The following KCNS1 variants were observed in gnomAD, a reference collection of about 807,000 sequenced individuals.
The protein encoded by KCNS1 is delayed-rectifier potassium channel regulatory subunit KCNS1.
KCNS1 carries 26 observed loss-of-function variants against 33.1 expected under a neutral mutation model. That is an observed-to-expected ratio of 0.79 (90% confidence interval 0.58 to 1.09). The LOEUF (loss-of-function observed/expected upper bound fraction) is 1.09. KCNS1 is among the 50% of genes least tolerant of loss of function. The pLI is 0.00. For synonymous variants in KCNS1, 299 were observed against 338.8 expected, an observed-to-expected ratio of 0.88 and a Z score of 1.29; for missense variants, 702 against 752.4, an observed-to-expected ratio of 0.93 and a Z score of 0.78.
At position 45,099,213 on chromosome 20, in the gene KCNS1, T is replaced by A. The variant is rs1159707988; in HGVS notation, c.24A>T (p.Gly8=). The change falls in exon 2 of 4, where the codon GGA becomes GGT. Residue 8 remains glycine, a synonymous_variant. Transcript: ENST00000537075. The stretch of plus-strand genomic sequence containing the variant: ...TAGACCGGAGGTTCTCATAGTGTGT[T>A]CCCCGGACCAGCAGCATCAGCATCA... MLMLLVR[G]THYENLRSKV... is the part of the protein sequence containing the mutation. The A allele has an allele frequency of 1.2e-5, 19 of 1,541,888 alleles. 1 individual carries two copies. The South Asian group carries it at 2.3e-4, about 18-fold the overall frequency.
chr20:45,099,284 T>C, intron 1 of KCNS1, 45 bp from the exon 2 acceptor site: 1 of 1,039,318 alleles, frequency 9.6e-7, no homozygotes, highest in Non-Finnish European at 1.5e-6. Context: ...GCCATCGATT[T>C]ACTGAATCGG....
intron 2 of KCNS1, 40 bp downstream of exon 2, chr20:45,099,121 G>T: frequency 1.3e-6 from 2 of 1,549,018 alleles, no homozygotes; most frequent in South Asian, 2.4e-5. Flanking sequence ...CCAGCCCTCT[G>T]AACCTGTTTC....
chr20:45,100,611 C>G (rs1447975245), intron 1 of KCNS1, among the ~76,000 whole-genome samples: 1 of 152,218 alleles, frequency 6.6e-6, no homozygotes, highest in Non-Finnish European at 1.5e-5. Context: ...ATTTCATTCT[C>G]TCTCCACACA....
In KCNS1 at chr20:45,094,034, G is replaced by A. The variant is rs1981089241; in HGVS notation, c.*836C>T. ...ACACAGCAGGTCTTGGCGCAGCTAG[G>A]TTGTCTAGATCTCAGGCCAGGGGCC... On this transcript the variant is annotated 3_prime_UTR_variant, in exon 4 of 4. Coordinates refer to ENST00000537075, the MANE Select transcript of KCNS1 (RefSeq NM_001322799.2). 6.6e-6 allele frequency: 1 copy of A among 152,312 alleles called. No individual in the cohort carries two copies. The highest frequency in any genetic ancestry group is 1.5e-5 in the Non-Finnish European group (1 of 68,126). The allele number at this position is 152,312 out of a possible 1,614,324, so 9.4% of individuals were successfully genotyped here. A position where few individuals can be genotyped will look rare whatever the true frequency, so the allele number is the denominator to read the frequency against.
Position 45,098,648 on chromosome 20 carries a change from C to A in KCNS1, c.124G>T (p.Gly42Trp). 3 of 1,474,076 alleles carry A rather than the reference C, an allele frequency of 2.0e-6. No individual in the cohort carries two copies. The highest frequency in any genetic ancestry group is 2.7e-5 in the East Asian group (1 of 36,406). 91.3% of individuals were successfully genotyped at this position (1,474,076 alleles called of 1,614,324 possible). A position where few individuals can be genotyped will look rare whatever the true frequency, so the allele number is the denominator to read the frequency against. The change falls in exon 3 of 4, where the codon GGG (glycine) becomes TGG (tryptophan). Residue 42 changes from glycine to tryptophan, a missense_variant. This residue lies in a region of KCNS1 where 374 missense variants were observed against 352.3 expected (regional missense o/e 1.06). Transcript: ENST00000537075. This position sits in a 1 kb window ranked among gnomAD's most constrained non-coding sequence, Gnocchi z 5.2. Reference sequence around the variant, plus strand: ...TCGTCGCTTCGCCGCCAGCGGATCCCGGTGTCGGGGCCCGGGAACTCGCTC... The same window carrying A: ...TCGTCGCTTCGCCGCCAGCGGATCCAGGTGTCGGGGCCCGGGAACTCGCTC... Reference protein sequence around the residue: ...FVSEFPGPDTGIRWRRSDEAL... With the variant: ...FVSEFPGPDTWIRWRRSDEAL...
rs1347346137 is a variant in KCNS1, at chr20:45,094,306, G to A, written c.*564C>T. 6.5e-6 allele frequency: 1 copy of A among 153,032 alleles called. No homozygotes were observed. The highest frequency in any genetic ancestry group is 1.5e-5 in the Non-Finnish European group (1 of 68,772). 9.5% of individuals were successfully genotyped at this position (153,032 alleles called of 1,614,324 possible). On this transcript the variant is annotated 3_prime_UTR_variant, in exon 4 of 4. Transcript: ENST00000537075. ...CCTGTCTGGACCCTTCCCTGGCTCTGAAAGGGATTTCTTATCTTGTGGATC... is the reference window on the plus strand; with the variant it reads ...CCTGTCTGGACCCTTCCCTGGCTCTAAAAGGGATTTCTTATCTTGTGGATC...
Position 45,098,695 on chromosome 20 carries a change from C to T in KCNS1, c.77G>A (p.Gly26Glu). 7.1e-7 allele frequency: 1 copy of T among 1,408,146 alleles called. No homozygotes were observed. The highest frequency in any genetic ancestry group is 1.7e-5 in the South Asian group (1 of 58,506). The allele number at this position is 1,408,146 out of a possible 1,614,324, so 87.2% of individuals were successfully genotyped here. Residue 26 changes from glycine to glutamate, a missense_variant and splice_region_variant, in exon 3 of 4, where the codon GGG (glycine) becomes GAG (glutamate). Transcript: ENST00000537075. This position sits in a 1 kb window ranked among gnomAD's most constrained non-coding sequence, Gnocchi z 5.2. ...GCTCACAAAGGTTTCAGTGCTCCTC[C>T]CTGCGGACACCAGAAGGGCGCGCTG... is the stretch of plus-strand genomic sequence containing the variant. ...SKVVLPTPLG[G>E]RSTETFVSEF...
Position 45,094,605 on chromosome 20 carries a change from CT to C in KCNS1, c.*264del, listed in dbSNP as rs1981111460. ...GAGGTGCTCAGGAATCATTAGTATC[CT>C]TTCAACTTCCTCCCTCTGGCTCATG... On this transcript the variant is annotated 3_prime_UTR_variant, in exon 4 of 4. Coordinates refer to ENST00000537075, the MANE Select transcript of KCNS1 (RefSeq NM_001322799.2). 3 of 438,748 alleles carry C rather than the reference CT, an allele frequency of 6.8e-6. No homozygotes were observed. The highest frequency in any genetic ancestry group is 3.9e-5 in the Admixed American group (1 of 25,394). The allele number at this position is 438,748 out of a possible 1,614,324, so 27.2% of individuals were successfully genotyped here.
rs1235564112 is a variant in KCNS1, at chr20:45,094,950, G to A, written c.1501C>T (p.Arg501Ter). 8.7e-6 allele frequency: 14 copies of A among 1,613,738 alleles called. No individual in the cohort carries two copies. The East Asian group carries it at 1.1e-4, about 13-fold the overall frequency. Residue 501 changes from arginine (R) to a stop codon, truncating the protein, a stop_gained, in exon 4 of 4, where the codon CGA becomes TGA. Transcript: ENST00000537075. LOFTEE classifies it high-confidence loss of function. ...GVSEASLETS[R>*]ETSQEGQSAD... is the part of the protein sequence containing the mutation. ...GACTGTCCCTCCTGAGAGGTTTCTC[G>A]GGATGTCTCCAGAGATGCCTCCGAC... is the stretch of plus-strand genomic sequence containing the variant.
rs1981131335 is a variant in KCNS1, at chr20:45,094,997, A to G, written c.1454T>C (p.Leu485Ser). Residue 485 changes from leucine to serine, a missense_variant, in exon 4 of 4, where the codon TTG (leucine) becomes TCG (serine). Physicochemically the swap from Leu to Ser is moderately radical, Grantham distance 145. Transcript: ENST00000537075. ...CGACACCCCATCAATGCTGCTCAGC[A>G]AGTCCTCAAACTCTTGGTGGTTGCT... ...RNSNHQEFED[L>S]LSSIDGVSEA... The G allele has an allele frequency of 1.9e-6, 3 of 1,613,452 alleles. No homozygotes were observed. The highest frequency in any genetic ancestry group is 2.5e-6 in the Non-Finnish European group (3 of 1,179,856).
rs752243589 is a variant in KCNS1, at chr20:45,095,159, G to A, written c.1292C>T (p.Thr431Met). 3.2e-5 allele frequency: 52 copies of A among 1,613,980 alleles called. No individual in the cohort carries two copies. The highest frequency in any genetic ancestry group is 1.2e-4 in the Admixed American group (7 of 59,992). Residue 431 changes from threonine to methionine, a missense_variant, in exon 4 of 4, where the codon ACG (threonine) becomes ATG (methionine). Physicochemically the swap from Thr to Met is moderately conservative, Grantham distance 81. Around this residue, in one of 3 missense-constraint regions of KCNS1, gnomAD observed 253 missense variants for 327.4 expected, o/e 0.77. Coordinates refer to ENST00000537075, the MANE Select transcript of KCNS1 (RefSeq NM_001322799.2). ...TVGYGDVVPV[T>M]VAGKLAASGC... is the part of the protein sequence containing the mutation. Reference sequence around the variant, plus strand: ...TGAGGCTGCCAGCTTGCCAGCCACCGTCACTGGCACCACATCCCCATAGCC... The same window carrying A: ...TGAGGCTGCCAGCTTGCCAGCCACCATCACTGGCACCACATCCCCATAGCC...
At position 45,098,504 on chromosome 20, in the gene KCNS1, G is replaced by T. The variant is rs752197004; in HGVS notation, c.268C>A (p.Arg90Ser). ...GCCTCGTCGTAGTCGTCGCACAGGC[G>T]CCGCGCCTGCTCCTCCGACGCCGCG... ...QAAASEEQAR[R>S]LCDDYDEAAR... The change falls in exon 3 of 4, where the codon CGC becomes AGC. Residue 90 changes from arginine (R) to serine (S), a missense_variant. Physicochemically the swap from Arg to Ser is moderately radical, Grantham distance 110 (BLOSUM62 -1). This residue lies in a region of KCNS1 where 374 missense variants were observed against 352.3 expected (regional missense o/e 1.06). Coordinates refer to ENST00000537075, the MANE Select transcript of KCNS1 (RefSeq NM_001322799.2). The surrounding 1 kb of genome is among the most constrained non-coding windows in gnomAD (Gnocchi z 5.2). 1 of 1,537,070 alleles carries T rather than the reference G, an allele frequency of 6.5e-7. No homozygotes were observed. The highest frequency in any genetic ancestry group is 8.8e-7 in the Non-Finnish European group (1 of 1,142,186).
chr20:45,100,409 C>T (rs546239561), intron 1 of KCNS1: 84 of 152,360 alleles, frequency 5.5e-4, no homozygotes, highest in African/African-American at 2.0e-3. Context: ...TTCCATCACC[C>T]ATTAGAAGCA....
At position 45,092,033 on chromosome 20, in the gene KCNS1, T is replaced by C. The variant is rs1981013996; in HGVS notation, c.*2837A>G. ...TCTTCCAATAAATTCATTTTTTGCT[T>C]GATGTCAGTTTGTTGCTTATACCCT... On this transcript the variant is annotated 3_prime_UTR_variant, in exon 4 of 4. Coordinates refer to ENST00000537075, the MANE Select transcript of KCNS1 (RefSeq NM_001322799.2). Among the ~76,000 whole-genome samples, 1 of 152,228 alleles carries C rather than the reference T, an allele frequency of 6.6e-6. No individual in the cohort carries two copies.
rs1273434021 is a variant in KCNS1 at position 45,095,156 on chromosome 20, A to G, written c.1295T>C (p.Val432Ala). Residue 432 changes from valine (V) to alanine (A), a missense_variant, in exon 4 of 4, where the codon GTG becomes GCG. Coordinates refer to ENST00000537075, the MANE Select transcript of KCNS1 (RefSeq NM_001322799.2). ...GCCTGAGGCTGCCAGCTTGCCAGCCACCGTCACTGGCACCACATCCCCATA... is the reference window on the plus strand; with the variant it reads ...GCCTGAGGCTGCCAGCTTGCCAGCCGCCGTCACTGGCACCACATCCCCATA... ...VGYGDVVPVT[V>A]AGKLAASGCI... 6.2e-7 allele frequency: 1 copy of G among 1,614,042 alleles called. No homozygotes were observed. The highest frequency in any genetic ancestry group is 8.5e-7 in the Non-Finnish European group (1 of 1,179,988).
At position 45,097,494 on chromosome 20, in the gene KCNS1, C is replaced by T. The variant is rs188288539; in HGVS notation, c.1110+168G>A. Reference sequence around the variant, plus strand: ...CTTCACAGGGCTGTTGGGATAGTCACACTGCATGTGAAACGTACACCTGGT... The same window carrying T: ...CTTCACAGGGCTGTTGGGATAGTCATACTGCATGTGAAACGTACACCTGGT... On this transcript the variant is annotated intron_variant, in intron 3 of 3. Transcript: ENST00000537075. Among the ~76,000 whole-genome samples, 22 of 152,340 alleles carry T rather than the reference C, an allele frequency of 1.4e-4. No homozygotes were observed. The East Asian group carries it at 4.0e-3, about 28-fold the overall frequency.
At position 45,098,468 on chromosome 20, in the gene KCNS1, A is replaced by C; in HGVS notation, c.304T>G (p.Phe102Val). The C allele has an allele frequency of 1.9e-6, 3 of 1,574,182 alleles. No individual in the cohort carries two copies. The highest frequency in any genetic ancestry group is 2.6e-6 in the Non-Finnish European group (3 of 1,161,200). The stretch of plus-strand genomic sequence containing the variant: ...AAGCCCGGGTGCCGGTCGAAGTAGA[A>C]TTCGCGCGCCGCCTCGTCGTAGTCG... The part of the protein sequence containing the change: ...CDDYDEAARE[F>V]YFDRHPGFFL... The change falls in exon 3 of 4, where the codon TTC (phenylalanine) becomes GTC (valine). Residue 102 changes from phenylalanine (F) to valine (V), a missense_variant. Coordinates refer to ENST00000537075, the MANE Select transcript of KCNS1 (RefSeq NM_001322799.2). This position sits in a 1 kb window ranked among gnomAD's most constrained non-coding sequence, Gnocchi z 5.2.
At position 45,098,459 on chromosome 20, in the gene KCNS1, C is replaced by A. The variant is rs1189483936; in HGVS notation, c.313G>T (p.Asp105Tyr). ...YDEAAREFYF[D>Y]RHPGFFLSLL... ...CTCAGGAAGAAGCCCGGGTGCCGGTCGAAGTAGAATTCGCGCGCCGCCTCG... is the reference window on the plus strand; with the variant it reads ...CTCAGGAAGAAGCCCGGGTGCCGGTAGAAGTAGAATTCGCGCGCCGCCTCG... Residue 105 changes from aspartate (D) to tyrosine (Y), a missense_variant, in exon 3 of 4, where the codon GAC becomes TAC. Coordinates refer to ENST00000537075, the MANE Select transcript of KCNS1 (RefSeq NM_001322799.2). The surrounding 1 kb of genome is among the most constrained non-coding windows in gnomAD (Gnocchi z 5.2). The A allele has an allele frequency of 1.9e-6, 3 of 1,583,342 alleles. No homozygotes were observed. The highest frequency in any genetic ancestry group is 1.8e-5 in the Admixed American group (1 of 56,938).
At position 45,093,628 on chromosome 20, in the gene KCNS1, C is replaced by CT. The variant is rs1270315430; in HGVS notation, c.*1241dup. The CT allele has an allele frequency of 1.3e-5, 2 of 152,336 alleles. No individual in the cohort carries two copies. The highest frequency in any genetic ancestry group is 3.8e-4 in the East Asian group (2 of 5,196). 9.4% of individuals were successfully genotyped at this position (152,336 alleles called of 1,614,324 possible). The stretch of plus-strand genomic sequence containing the variant: ...AGGGCTACTGGATCCCCTCCTCTGA[C>CT]TTTCTCAGCAAGTGAAGAGAAGATT... On this transcript the variant is annotated 3_prime_UTR_variant, in exon 4 of 4. Transcript: ENST00000537075.
Sources: gnomAD v4.1 joint callset for allele counts (sites outside exome capture counted in the v4.1 genomes callset) on GRCh38, gnomAD v4.1.1 for gene constraint, gnomAD v4.1.1 regional missense constraint, Gnocchi (gnomAD v3.1) non-coding constraint, MANE v1.5 for transcripts, NCBI Gene and HGNC (gene_info 2026-07-23, HGNC 2026-07-21) for gene names.